The following COL25A1 variants were observed in gnomAD, a reference collection of about 807,000 sequenced individuals.
COL25A1 encodes collagen alpha-1(XXV) chain.
Under a neutral mutation model 128.4 loss-of-function variants are expected in COL25A1, and 103 were observed. That is an observed-to-expected ratio of 0.80 (90% confidence interval 0.68 to 0.94). The LOEUF (loss-of-function observed/expected upper bound fraction) is 0.94. COL25A1 is among the 40% of genes least tolerant of loss of function. The probability of loss-of-function intolerance (pLI) is 0.00; values close to 1 mark genes in which losing one functional copy is unlikely to be tolerated. For missense variants in COL25A1, 745 were observed against 840.0 expected (o/e 0.89, Z 1.40); for synonymous variants, 279 against 277.2 (o/e 1.01, Z -0.06).
chr4:108,970,699 C>T (rs1218186342), intron 8 of COL25A1, among the ~76,000 whole-genome samples: 2 of 152,120 alleles, frequency 1.3e-5, no homozygotes, highest in African/African-American at 4.8e-5. Flanking sequence ...TGACCAACAT[C>T]TCCTAAAACC....
At position 109,125,110 on chromosome 4, in the gene COL25A1, T is replaced by C. The variant is rs141974791; in HGVS notation, c.368-74931A>G. ...CACCTAAAAAGACTCTATTTTCTGATAGAATCTATGTCTACAGACAGGAAA... is the reference window on the plus strand; with the variant it reads ...CACCTAAAAAGACTCTATTTTCTGACAGAATCTATGTCTACAGACAGGAAA... On this transcript the variant is annotated intron_variant, in intron 3 of 37. Coordinates refer to ENST00000399132, the MANE Select transcript of COL25A1 (RefSeq NM_198721.4). Among the ~76,000 whole-genome samples, 1,266 of 152,224 alleles carry C rather than the reference T, an allele frequency of 8.3e-3. 12 individuals carry two copies. The highest frequency in any genetic ancestry group is 0.02 in the Middle Eastern group (6 of 294).
At chr4:108,914,330 C>A (rs1428713761) in intron 13 of COL25A1, among the ~76,000 whole-genome samples, 1 of 152,148 alleles carries the variant, frequency 6.6e-6, no homozygotes, top group African/African-American at 2.4e-5. Context: ...AAAAAGGGAT[C>A]CTTCAAAGGC....
intron 3 of COL25A1, among the ~76,000 whole-genome samples, chr4:109,287,398 T>A (rs555271979): frequency 4.6e-5 from 7 of 152,220 alleles, no homozygotes; most frequent in South Asian, 4.2e-4. Context: ...ATAAAAAAAA[T>A]TTTTAAAGGC....
At chr4:108,846,394 A>G (rs1397885187) in intron 27 of COL25A1, among the ~76,000 whole-genome samples, 175 bp from the exon 28 acceptor site, 1 of 152,236 alleles carries the variant, frequency 6.6e-6, no homozygotes, top group Non-Finnish European at 1.5e-5. Context: ...ACATGCAATC[A>G]GTACTATTTC....
chr4:109,256,657 G>T lies in COL25A1; in HGVS notation c.367+43926C>A, dbSNP rs146758315. Reference sequence around the variant, plus strand: ...TAATGTTAACACTCATGGAGCTTTTGTGGCAAAACAGTGAAAATACCGGGT... The same window carrying T: ...TAATGTTAACACTCATGGAGCTTTTTTGGCAAAACAGTGAAAATACCGGGT... On this transcript the variant is annotated intron_variant, in intron 3 of 37. Coordinates refer to ENST00000399132, the MANE Select transcript of COL25A1 (RefSeq NM_198721.4). 1.7e-3 allele frequency among the ~76,000 whole-genome samples: 264 copies of T among 152,168 alleles called. 1 individual carries two copies. Among genetic ancestry groups the T allele is most frequent in the African/African-American group, 5.8e-3 (240 of 41,518 alleles).
intron 8 of COL25A1, among the ~76,000 whole-genome samples, chr4:108,952,149 T>C (rs1749509124): frequency 6.6e-6 from 1 of 152,214 alleles, no homozygotes; most frequent in African/African-American, 2.4e-5. Context: ...TTATATATTA[T>C]AATTTATACC....
chr4:109,239,390 GTGTGTATATA>G (rs751329628), intron 3 of COL25A1, among the ~76,000 whole-genome samples: 8,514 of 106,578 alleles, frequency 0.08, 468 homozygotes, highest in African/African-American at 0.17. Flanking sequence ...GTGTGTGTGT[GTGTGTATATA>G]TATATATATA....
chr4:109,079,036 T>C (rs1389070257), intron 3 of COL25A1, among the ~76,000 whole-genome samples: 1 of 152,234 alleles, frequency 6.6e-6, no homozygotes, highest in Non-Finnish European at 1.5e-5. Flanking sequence ...GTCAGAAGAA[T>C]CTTACAATTT....
At chr4:109,270,699 C>T (rs78404682) in intron 3 of COL25A1, among the ~76,000 whole-genome samples, 3,123 of 152,218 alleles carry the variant, frequency 0.021, 53 homozygotes, top group Non-Finnish European at 0.032. Flanking sequence ...GTATATGGAA[C>T]CAAGCCCCTT....
intron 3 of COL25A1, among the ~76,000 whole-genome samples, chr4:109,188,890 T>C (rs1775358680): frequency 6.6e-6 from 1 of 151,904 alleles, no homozygotes; most frequent in African/African-American, 2.4e-5. Context: ...TAAATAGTAA[T>C]AATGTTAAAT....
At chr4:109,035,173 TAC>T (rs1759222794) in intron 5 of COL25A1, among the ~76,000 whole-genome samples, 2 of 152,180 alleles carry the variant, frequency 1.3e-5, no homozygotes, top group African/African-American at 4.8e-5. Flanking sequence ...CTGCCATAGC[TAC>T]TGTCAGCCAA....
intron 24 of COL25A1, among the ~76,000 whole-genome samples, chr4:108,857,323 C>G (rs1459691253): frequency 2.0e-5 from 3 of 151,994 alleles, no homozygotes; most frequent in Admixed American, 2.0e-4. Flanking sequence ...CCTTTCTTTC[C>G]TTACATAGTT....
chr4:109,223,507 T>G (rs1038607974), intron 3 of COL25A1, among the ~76,000 whole-genome samples: 5 of 152,142 alleles, frequency 3.3e-5, no homozygotes, highest in African/African-American at 1.2e-4. Flanking sequence ...TGGGGACAGC[T>G]GCTAGCAGCT....
At chr4:109,030,412 C>T (rs1301166555) in intron 5 of COL25A1, among the ~76,000 whole-genome samples, 2 of 152,174 alleles carry the variant, frequency 1.3e-5, no homozygotes, top group Non-Finnish European at 2.9e-5. Flanking sequence ...AGTGCATCTC[C>T]AGAGAGGACA....
intron 34 of COL25A1, among the ~76,000 whole-genome samples, chr4:108,824,931 T>C (rs1227000088): frequency 6.6e-6 from 1 of 152,156 alleles, no homozygotes; most frequent in African/African-American, 2.4e-5. Context: ...ATGTTAAGAG[T>C]ACCCTCAATT....
chr4:108,881,408 G>T (rs543793479), intron 19 of COL25A1, among the ~76,000 whole-genome samples: 2 of 152,206 alleles, frequency 1.3e-5, no homozygotes, highest in East Asian at 3.9e-4. Flanking sequence ...GGAAATAATG[G>T]ATGGCATTCA....
chr4:108,896,673 G>C lies in COL25A1; in HGVS notation c.900C>G (p.Gly300=), dbSNP rs770846828. 1.2e-6 allele frequency: 2 copies of C among 1,613,490 alleles called. No individual in the cohort carries two copies. Among genetic ancestry groups the C allele is most frequent in the East Asian group, 2.2e-5 (1 of 44,822 alleles). The change falls in exon 16 of 38, where the codon GGC becomes GGG. Residue 300 remains glycine (G), a synonymous_variant. Coordinates refer to ENST00000399132, the MANE Select transcript of COL25A1 (RefSeq NM_198721.4). The stretch of plus-strand genomic sequence containing the variant: ...ATGTCTTACAAAACTGTACCTTTTC[G>C]CCTGTGTCACCCTTGGGGCCGTTCT... ...AGENGPKGDT[G]EKGDPGSSAA... is the part of the protein sequence containing the mutation.
At chr4:109,273,439 C>T (rs1782333689) in intron 3 of COL25A1, among the ~76,000 whole-genome samples, 1 of 152,126 alleles carries the variant, frequency 6.6e-6, no homozygotes, top group Admixed American at 6.5e-5. Context: ...CACTGAACTA[C>T]ATCAGTAAAT....
At chr4:109,195,380 T>G (rs1176164070) in intron 3 of COL25A1, among the ~76,000 whole-genome samples, 1 of 152,246 alleles carries the variant, frequency 6.6e-6, no homozygotes, top group African/African-American at 2.4e-5. Flanking sequence ...TGCATTATTA[T>G]AGCAACAATT....
Sources: allele counts gnomAD v4.1 joint callset (sites outside exome capture counted in the v4.1 genomes callset), GRCh38; gene constraint gnomAD v4.1.1; transcripts MANE v1.5; gene names NCBI Gene and HGNC (gene_info 2026-07-23, HGNC 2026-07-21).